The following PAPSS1 variants were observed in gnomAD, a reference collection of about 807,000 sequenced individuals.
The protein encoded by PAPSS1 is 3'-phosphoadenosine 5'-phosphosulfate synthase 1, also known as bifunctional 3'-phosphoadenosine 5'-phosphosulfate synthase 1.
PAPSS1 carries 50 observed loss-of-function variants against 72.0 expected under a neutral mutation model. That is an observed-to-expected ratio of 0.69 (90% confidence interval 0.55 to 0.88). PAPSS1 has a LOEUF of 0.88. Ranked by LOEUF, PAPSS1 falls within the 40% of genes least tolerant of loss-of-function variation. The probability of loss-of-function intolerance (pLI) is 0.00; values close to 1 mark genes in which losing one functional copy is unlikely to be tolerated. For missense variants in PAPSS1, 657 were observed against 782.2 expected (o/e 0.84, Z 1.91); for synonymous variants, 261 against 263.6 (o/e 0.99, Z 0.09).
chr4:107,701,404 A>T, intron 1 of PAPSS1, 119 bp from the exon 2 acceptor site: 2 of 640,086 alleles, frequency 3.1e-6, no homozygotes, highest in Non-Finnish European at 5.3e-6. Flanking sequence ...AAAAGATAAA[A>T]CAGTTTTTTT....
intron 1 of PAPSS1, among the ~76,000 whole-genome samples, chr4:107,719,615 C>G (rs1340150768): frequency 6.6e-6 from 1 of 152,156 alleles, no homozygotes; most frequent in African/African-American, 2.4e-5. Flanking sequence ...CACACTGAAA[C>G]TCAGAAATGG....
In PAPSS1 at chr4:107,683,461, T is replaced by C. The variant is rs1040439700; in HGVS notation, c.551-1328A>G. Among the ~76,000 whole-genome samples the C allele has an allele frequency of 7.2e-5, 11 of 152,162 alleles. No individual in the cohort carries two copies. The East Asian group carries it at 1.4e-3, about 19-fold the overall frequency. Reference sequence around the variant, plus strand: ...AATCACCAGGTCCCACCCCATGAGATTGATTTCACTAGTCTGGGGTACAGC... The same window carrying C: ...AATCACCAGGTCCCACCCCATGAGACTGATTTCACTAGTCTGGGGTACAGC... On this transcript the variant is annotated intron_variant, in intron 4 of 11. Transcript: ENST00000265174.
At chr4:107,717,269 A>G (rs973769808) in intron 1 of PAPSS1, among the ~76,000 whole-genome samples, 4 of 152,144 alleles carry the variant, frequency 2.6e-5, no homozygotes, top group Non-Finnish European at 5.9e-5. Context: ...AATTATATAC[A>G]TGGCTCATAT....
chr4:107,614,946 G>A (rs949093161), intron 11 of PAPSS1, among the ~76,000 whole-genome samples: 1 of 146,152 alleles, frequency 6.8e-6, no homozygotes, highest in African/African-American at 2.5e-5. Context: ...CCCAGCTCCT[G>A]GCAACCACTA....
At chr4:107,710,760 G>T (rs978715869) in intron 1 of PAPSS1, among the ~76,000 whole-genome samples, 18 of 152,176 alleles carry the variant, frequency 1.2e-4, no homozygotes, top group African/African-American at 4.3e-4. Context: ...AGCAAGACGA[G>T]CTGTGTCCTG....
At chr4:107,683,021 C>T (rs1207924265) in intron 4 of PAPSS1, among the ~76,000 whole-genome samples, 5 of 152,066 alleles carry the variant, frequency 3.3e-5, no homozygotes, top group South Asian at 2.1e-4. Context: ...AGCAAATAGA[C>T]GACAATTTCC....
chr4:107,694,211 C>A (rs894981105), intron 2 of PAPSS1: 1 of 519,880 alleles, frequency 1.9e-6, no homozygotes, highest in Non-Finnish European at 3.4e-6. Context: ...CAGGCACATG[C>A]CACCACATCC....
intron 5 of PAPSS1, among the ~76,000 whole-genome samples, chr4:107,666,442 T>C (rs1727317931): frequency 1.3e-5 from 2 of 152,200 alleles, no homozygotes; most frequent in Admixed American, 6.5e-5. Flanking sequence ...AAAATGAAGA[T>C]GCTGTGAGAA....
intron 10 of PAPSS1, among the ~76,000 whole-genome samples, chr4:107,636,218 C>A (rs1726376787): frequency 6.6e-6 from 1 of 152,058 alleles, no homozygotes; most frequent in East Asian, 1.9e-4. Context: ...GAAACTAACT[C>A]AAAGATCCTT....
At chr4:107,708,085 A>G (rs1723386442) in intron 1 of PAPSS1, among the ~76,000 whole-genome samples, 1 of 152,182 alleles carries the variant, frequency 6.6e-6, no homozygotes, top group South Asian at 2.1e-4. Flanking sequence ...ACCCCTTCCC[A>G]TCTACTCATC....
At chr4:107,677,454 A>G (rs1727684238) in intron 5 of PAPSS1, among the ~76,000 whole-genome samples, 1 of 152,238 alleles carries the variant, frequency 6.6e-6, no homozygotes, top group South Asian at 2.1e-4. Context: ...ATCACTGGCC[A>G]TCAGAGAAAT....
At chr4:107,615,328 C>G (rs1043836944) in intron 11 of PAPSS1, among the ~76,000 whole-genome samples, 1 of 152,174 alleles carries the variant, frequency 6.6e-6, no homozygotes, top group Non-Finnish European at 1.5e-5. Context: ...AGCAAGCATT[C>G]AGAGTCGCTC....
At chr4:107,656,753 G>A (rs866600533) in intron 7 of PAPSS1, 143 bp downstream of exon 7, 3 of 627,054 alleles carry the variant, frequency 4.8e-6, no homozygotes, top group African/African-American at 3.7e-5. Context: ...TAAATAAAGT[G>A]TTCGGTACTG....
chr4:107,718,450 CCT>C (rs1401289819), intron 1 of PAPSS1: 4 of 152,208 alleles, frequency 2.6e-5, no homozygotes, highest in African/African-American at 9.7e-5. Flanking sequence ...ATGCAGTTCC[CCT>C]CTGACTCAGA....
At chr4:107,629,215 G>A (rs1726173048) in intron 11 of PAPSS1, among the ~76,000 whole-genome samples, 1 of 152,146 alleles carries the variant, frequency 6.6e-6, no homozygotes, top group Admixed American at 6.5e-5. Context: ...TCAACTTTAT[G>A]GTTAAGCTTG....
intron 11 of PAPSS1, among the ~76,000 whole-genome samples, chr4:107,620,774 T>G (rs1725934207): frequency 6.6e-6 from 1 of 152,186 alleles, no homozygotes; most frequent in Admixed American, 6.5e-5. Context: ...ATGGGTATAT[T>G]AAGAAAGAAA....
chr4:107,680,521 C>T (rs1026221567), intron 5 of PAPSS1, among the ~76,000 whole-genome samples: 3 of 152,140 alleles, frequency 2.0e-5, no homozygotes, highest in Admixed American at 6.5e-5. Context: ...TCCCAGTATG[C>T]CACAGACATA....
chr4:107,683,965 GAC>G (rs147421960), intron 4 of PAPSS1, among the ~76,000 whole-genome samples: 27 of 80,658 alleles, frequency 3.3e-4, no homozygotes, highest in Non-Finnish European at 7.6e-4. Context: ...TATGCATACA[GAC>G]ACACACACAA....
At chr4:107,635,116 A>G (rs1466522902) in intron 10 of PAPSS1, among the ~76,000 whole-genome samples, 1 of 152,104 alleles carries the variant, frequency 6.6e-6, no homozygotes, top group Non-Finnish European at 1.5e-5. Context: ...ACATATTTTT[A>G]AAGTTTTTTC....
Sources: allele counts gnomAD v4.1 joint callset (sites outside exome capture counted in the v4.1 genomes callset), GRCh38; gene constraint gnomAD v4.1.1; transcripts MANE v1.5; gene names NCBI Gene and HGNC (gene_info 2026-07-23, HGNC 2026-07-21).